The following CPPED1 variants were observed in gnomAD, a reference collection of about 807,000 sequenced individuals.
The protein encoded by CPPED1 is calcineurin like phosphoesterase domain containing 1, also known as serine/threonine-protein phosphatase CPPED1.
CPPED1 carries 28 observed loss-of-function variants against 28.0 expected under a neutral mutation model. That is an observed-to-expected ratio of 1.00 (90% CI 0.74 to 1.37). The LOEUF is 1.37. Ranked by LOEUF, CPPED1 falls within the 40% of genes most tolerant of loss-of-function variation. The pLI is 0.00. For missense variants in CPPED1, 504 were observed against 416.5 expected, an observed-to-expected ratio of 1.21 and a Z score of -1.83; for synonymous variants, 198 against 180.2, an observed-to-expected ratio of 1.10 and a Z score of -0.79.
intron 1 of CPPED1, among the ~76,000 whole-genome samples, chr16:12,786,358 A>G (rs1029636619): frequency 1.3e-5 from 2 of 152,130 alleles, no homozygotes; most frequent in Non-Finnish European, 2.9e-5. Flanking sequence ...TGCAACTTAC[A>G]TGGGTTGGAG....
chr16:12,792,612 T>C (rs796453059), intron 1 of CPPED1, among the ~76,000 whole-genome samples: 5 of 152,236 alleles, frequency 3.3e-5, no homozygotes, highest in African/African-American at 1.2e-4. Flanking sequence ...TCATCTTGAA[T>C]TGTAGCTCCC....
At chr16:12,789,760 C>T (rs557466196) in intron 1 of CPPED1, among the ~76,000 whole-genome samples, 6 of 152,214 alleles carry the variant, frequency 3.9e-5, no homozygotes, top group African/African-American at 9.6e-5. Context: ...CTCCTGAGCT[C>T]GAGTGATCAG....
chr16:12,722,959 C>T (rs544106116), intron 2 of CPPED1, among the ~76,000 whole-genome samples: 15 of 152,232 alleles, frequency 9.9e-5, no homozygotes, highest in Admixed American at 2.0e-4. Context: ...AGGAAGACAT[C>T]GGGATACCCA....
intron 3 of CPPED1, among the ~76,000 whole-genome samples, chr16:12,693,041 G>A (rs748708586): frequency 1.3e-5 from 2 of 152,158 alleles, no homozygotes; most frequent in African/African-American, 2.4e-5. Flanking sequence ...TCCTCTTACC[G>A]TGCCTATGAA....
intron 1 of CPPED1, 133 bp downstream of exon 1, chr16:12,803,574 A>G: frequency 4.1e-6 from 3 of 724,918 alleles, no homozygotes; most frequent in Non-Finnish European, 6.2e-6. Flanking sequence ...TGATGCAGCT[A>G]TGGCGGCTCC....
At chr16:12,684,932 C>T (rs1428199806) in intron 3 of CPPED1, among the ~76,000 whole-genome samples, 1 of 152,198 alleles carries the variant, frequency 6.6e-6, no homozygotes, top group Non-Finnish European at 1.5e-5. Flanking sequence ...ACCCAAATCT[C>T]CCCTTCGTTG....
At chr16:12,718,114 G>C (rs1158273709) in intron 2 of CPPED1, among the ~76,000 whole-genome samples, 2 of 152,188 alleles carry the variant, frequency 1.3e-5, no homozygotes, top group Non-Finnish European at 2.9e-5. Context: ...GAAGAGAAGA[G>C]AGCTACAGTT....
chr16:12,738,423 TCACA>T (rs776958497), intron 2 of CPPED1, among the ~76,000 whole-genome samples: 1 of 151,636 alleles, frequency 6.6e-6, no homozygotes, highest in Non-Finnish European at 1.5e-5. Context: ...ACTTTTATAA[TCACA>T]CACACACACT....
At chr16:12,793,098 C>A (rs1311024121) in intron 1 of CPPED1, among the ~76,000 whole-genome samples, 1 of 152,222 alleles carries the variant, frequency 6.6e-6, no homozygotes, top group Non-Finnish European at 1.5e-5. Context: ...TGCTCTATGG[C>A]ACTGGCTGTC....
chr16:12,785,505 G>A (rs2080557420), intron 1 of CPPED1, among the ~76,000 whole-genome samples: 1 of 146,094 alleles, frequency 6.8e-6, no homozygotes, highest in Non-Finnish European at 1.5e-5. Context: ...TCTGCTTACT[G>A]CAATCTCTGC....
At chr16:12,760,386 G>A (rs1000861079) in intron 2 of CPPED1, 1 of 152,198 alleles carries the variant, frequency 6.6e-6, no homozygotes, top group Admixed American at 6.5e-5. Flanking sequence ...ACAATTTTAC[G>A]TGTCTCAGAA....
intron 2 of CPPED1, among the ~76,000 whole-genome samples, chr16:12,731,832 G>A (rs2080199383): frequency 6.6e-6 from 1 of 151,658 alleles, no homozygotes; most frequent in Admixed American, 6.6e-5. Flanking sequence ...AACCCCAATG[G>A]TAAGAAACAG....
At chr16:12,783,118 G>A (rs561460387) in intron 1 of CPPED1, among the ~76,000 whole-genome samples, 24 of 152,154 alleles carry the variant, frequency 1.6e-4, no homozygotes, top group Admixed American at 7.9e-4. Flanking sequence ...CTCAGTGCTC[G>A]TTGGGGGAGA....
rs918533420 is a variant in CPPED1, at chr16:12,660,343, A to G, written c.*4543T>C. 1 of 152,248 alleles carries G rather than the reference A, an allele frequency of 6.6e-6. No individual in the cohort carries two copies. Among genetic ancestry groups the G allele is most frequent in the Non-Finnish European group, 1.5e-5 (1 of 68,048 alleles). 9.4% of individuals were successfully genotyped at this position (152,248 alleles called of 1,614,324 possible). The stretch of plus-strand genomic sequence containing the variant: ...CATTTAATCGACTTCATTTACATAG[A>G]TAAAGCCTAAAGGAAAAATCCAATC... On this transcript the variant is annotated 3_prime_UTR_variant, in exon 4 of 4. Transcript: ENST00000381774.
rs2141250608 is a variant in CPPED1, at chr16:12,803,884, T to A, written c.-108A>T. On this transcript the variant is annotated 5_prime_UTR_variant, in exon 1 of 4. Coordinates refer to ENST00000381774, the MANE Select transcript of CPPED1 (RefSeq NM_018340.3). Reference sequence around the variant, plus strand: ...TCCCGCTTTGGGCGACGCCCTTTGATCTCGGGGCGGGACTGGGGCGGGACG... The same window carrying A: ...TCCCGCTTTGGGCGACGCCCTTTGAACTCGGGGCGGGACTGGGGCGGGACG... 14 of 860,968 alleles carry A rather than the reference T, an allele frequency of 1.6e-5. No homozygotes were observed. Among genetic ancestry groups the A allele is most frequent in the East Asian group, 4.3e-5 (1 of 23,340 alleles). The allele number at this position is 860,968 out of a possible 1,614,324, so 53.3% of individuals were successfully genotyped here.
chr16:12,747,489 G>GA (rs1340776381), intron 2 of CPPED1, among the ~76,000 whole-genome samples: 2 of 150,774 alleles, frequency 1.3e-5, no homozygotes, highest in African/African-American at 2.4e-5. Context: ...CATAGAAAAG[G>GA]AAAAAAATCC....
chr16:12,666,737 A>G (rs2079827880), intron 3 of CPPED1, among the ~76,000 whole-genome samples: 1 of 152,224 alleles, frequency 6.6e-6, no homozygotes, highest in African/African-American at 2.4e-5. Flanking sequence ...TGACAGCAAT[A>G]TTTAGCAAAA....
intron 1 of CPPED1, among the ~76,000 whole-genome samples, chr16:12,785,270 G>A (rs1442341254): frequency 2.6e-5 from 4 of 152,178 alleles, no homozygotes; most frequent in African/African-American, 9.6e-5. Flanking sequence ...TATTTTTACA[G>A]ATGGGGTCTG....
At chr16:12,729,983 T>C (rs1160593169) in intron 2 of CPPED1, among the ~76,000 whole-genome samples, 1 of 152,142 alleles carries the variant, frequency 6.6e-6, no homozygotes, top group Non-Finnish European at 1.5e-5. Flanking sequence ...CAGCTCAGCC[T>C]CCCAAGGTTC....
Sources: gnomAD v4.1 joint callset for allele counts (sites outside exome capture counted in the v4.1 genomes callset) on GRCh38, gnomAD v4.1.1 for gene constraint, MANE v1.5 for transcripts, NCBI Gene and HGNC (gene_info 2026-07-23, HGNC 2026-07-21) for gene names.